Variants in MACROD2 observed in about 807,000 individuals in gnomAD.
The protein encoded by MACROD2 is mono-ADP ribosylhydrolase 2, also known as ADP-ribose glycohydrolase MACROD2.
Under a neutral mutation model 70.4 loss-of-function variants are expected in MACROD2, and 36 were observed. The observed-to-expected ratio is 0.51, with a 90% confidence interval of 0.39 to 0.68. The LOEUF is 0.68. Ranked by LOEUF, MACROD2 falls within the 30% of genes least tolerant of loss-of-function variation. The pLI, the probability that MACROD2 is intolerant of heterozygous loss-of-function variation, is 0.00. For synonymous variants in MACROD2, 172 were observed against 178.8 expected, an observed-to-expected ratio of 0.96 and a Z score of 0.30; for missense variants, 496 against 538.4, an observed-to-expected ratio of 0.92 and a Z score of 0.78.
At chr20:15,070,479 G>A (rs889501327) in intron 5 of MACROD2, among the ~76,000 whole-genome samples, 1 of 152,136 alleles carries the variant, frequency 6.6e-6, no homozygotes, top group Non-Finnish European at 1.5e-5. Flanking sequence ...CAAATCTCAT[G>A]TTGAAATGTA....
At chr20:14,688,467 G>T (rs572957111) in intron 5 of MACROD2, among the ~76,000 whole-genome samples, 1 of 152,168 alleles carries the variant, frequency 6.6e-6, no homozygotes, top group South Asian at 2.1e-4. Context: ...TCACTGCTTG[G>T]ATGTTTTGAA....
intron 4 of MACROD2, among the ~76,000 whole-genome samples, chr20:14,569,503 A>T (rs1980042109): frequency 6.6e-6 from 1 of 152,002 alleles, no homozygotes; most frequent in Admixed American, 6.6e-5. Context: ...TATCCTCCAC[A>T]ACCCAGCATC....
In MACROD2 at chr20:16,044,559, T is replaced by C. The variant is rs748350958; in HGVS notation, c.1232-12T>C. ...AATGAATATTTAACTTTTTTTTTTT[T>C]TCTGGTGACAGTTGAAATGAATAGT... On this transcript the variant is annotated splice_polypyrimidine_tract_variant and intron_variant, in intron 16 of 17. Coordinates refer to ENST00000684519, the MANE Select transcript of MACROD2 (RefSeq NM_001351661.2). The C allele has an allele frequency of 6.2e-7, 1 of 1,607,476 alleles. No individual in the cohort carries two copies. Among genetic ancestry groups the C allele is most frequent in the South Asian group, 1.1e-5 (1 of 90,178 alleles).
At chr20:14,532,218 CT>C (rs1170533352) in intron 4 of MACROD2, among the ~76,000 whole-genome samples, 7,299 of 131,372 alleles carry the variant, frequency 0.056, 447 homozygotes, top group African/African-American at 0.2. Flanking sequence ...TATAACTAAT[CT>C]TTTTTTTTTT....
intron 5 of MACROD2, among the ~76,000 whole-genome samples, chr20:14,689,707 G>T (rs893242353): frequency 5.9e-5 from 9 of 151,962 alleles, no homozygotes; most frequent in Admixed American, 3.3e-4. Context: ...AAGTCTTCTC[G>T]CCTCACCTCA....
intron 4 of MACROD2, among the ~76,000 whole-genome samples, chr20:14,676,769 A>C (rs2123574622): frequency 6.6e-6 from 1 of 152,284 alleles, no homozygotes; most frequent in South Asian, 2.1e-4. Flanking sequence ...AAAATCAATG[A>C]ATTCAGGAGC....
At chr20:14,651,662 C>G (rs1985686556) in intron 4 of MACROD2, among the ~76,000 whole-genome samples, 1 of 152,194 alleles carries the variant, frequency 6.6e-6, no homozygotes, top group African/African-American at 2.4e-5. Context: ...TCAGGAAGTT[C>G]AAGTGTGAGA....
chr20:14,218,919 T>C (rs2081646697), intron 3 of MACROD2, among the ~76,000 whole-genome samples: 1 of 152,182 alleles, frequency 6.6e-6, no homozygotes, highest in Non-Finnish European at 1.5e-5. Flanking sequence ...ATCTGATAGG[T>C]GTTTCTTTAT....
chr20:14,033,912 A>G (rs1440398842), intron 2 of MACROD2, among the ~76,000 whole-genome samples: 1 of 152,116 alleles, frequency 6.6e-6, no homozygotes, highest in African/African-American at 2.4e-5. Flanking sequence ...GTAATGTATC[A>G]TGGAAATCCT....
intron 5 of MACROD2, among the ~76,000 whole-genome samples, chr20:15,172,649 A>G (rs944064906): frequency 4.6e-5 from 7 of 152,168 alleles, no homozygotes; most frequent in African/African-American, 1.7e-4. Context: ...GGCTCAAGCC[A>G]TCCTCTAGAC....
intron 6 of MACROD2, among the ~76,000 whole-genome samples, chr20:15,344,541 C>T (rs978150370): frequency 3.3e-5 from 5 of 152,190 alleles, no homozygotes; most frequent in Admixed American, 6.5e-5. Flanking sequence ...GCTCTGAGGC[C>T]CAGTTTTTTT....
At chr20:15,504,378 A>AG (rs1293885144) in intron 8 of MACROD2, among the ~76,000 whole-genome samples, 2 of 152,232 alleles carry the variant, frequency 1.3e-5, no homozygotes, top group African/African-American at 4.8e-5. Context: ...CAAAAAGAAA[A>AG]GAAAAAAAGG....
rs1006743435 is a variant in MACROD2, at chr20:15,941,236, T to G, written c.907+3692T>G. ...GACTAAATGTGAAGTTTTATGAGTA[T>G]TACTGAAATAAGCCATTAATATCTA... On this transcript the variant is annotated intron_variant, in intron 12 of 17. Transcript: ENST00000684519. Among the ~76,000 whole-genome samples, 3 of 152,238 alleles carry G rather than the reference T, an allele frequency of 2.0e-5. No individual in the cohort carries two copies. The South Asian group carries it at 6.2e-4, about 32-fold the overall frequency.
At chr20:15,312,039 AAAAATT>A (rs1290634416) in intron 6 of MACROD2, among the ~76,000 whole-genome samples, 4 of 152,322 alleles carry the variant, frequency 2.6e-5, no homozygotes, top group South Asian at 4.1e-4. Flanking sequence ...AATAAACAAA[AAAAATT>A]AAAGAGAGAT....
intron 5 of MACROD2, among the ~76,000 whole-genome samples, chr20:15,127,261 G>T (rs1342232779): frequency 1.3e-5 from 2 of 152,052 alleles, no homozygotes; most frequent in African/African-American, 2.4e-5. Context: ...ATGCTAGAAA[G>T]AAGACAGTAA....
intron 6 of MACROD2, among the ~76,000 whole-genome samples, chr20:15,294,684 C>G (rs951474241): frequency 6.6e-6 from 1 of 152,216 alleles, no homozygotes; most frequent in South Asian, 2.1e-4. Flanking sequence ...CTCACTTGGG[C>G]TGCCACAAGG....
intron 3 of MACROD2, among the ~76,000 whole-genome samples, chr20:14,353,426 G>A (rs1049244705): frequency 3.0e-4 from 45 of 152,124 alleles, no homozygotes; most frequent in African/African-American, 1.0e-3. Context: ...CTCCACATGT[G>A]TGAGTTTCTC....
chr20:15,689,517 TA>T (rs548900521), intron 8 of MACROD2, among the ~76,000 whole-genome samples: 18 of 152,318 alleles, frequency 1.2e-4, no homozygotes, highest in African/African-American at 3.8e-4. Flanking sequence ...GAGAAGGTTA[TA>T]TTTGAATTAC....
rs200032990 is a variant in MACROD2 at position 15,268,872 on chromosome 20, GA to G, written c.540+38819del. 8.6e-5 allele frequency among the ~76,000 whole-genome samples: 13 copies of G among 151,578 alleles called. No homozygotes were observed. The East Asian group carries it at 9.7e-4, about 11-fold the overall frequency. The stretch of plus-strand genomic sequence containing the variant: ...GTCTCCACCCATGAACTCCCCACGG[GA>G]AAAAAAACAGTCTTCTCCCCAGACT... On this transcript the variant is annotated intron_variant, in intron 6 of 17. Transcript: ENST00000684519.
Sources: gnomAD v4.1 joint callset for allele counts (sites outside exome capture counted in the v4.1 genomes callset) on GRCh38, gnomAD v4.1.1 for gene constraint, MANE v1.5 for transcripts, NCBI Gene and HGNC (gene_info 2026-07-23, HGNC 2026-07-21) for gene names.